The following CADPS variants were observed in gnomAD, a reference collection of about 807,000 sequenced individuals.
CADPS encodes calcium dependent secretion activator, also known as calcium-dependent secretion activator 1.
Under a neutral mutation model 167.3 loss-of-function variants are expected in CADPS, and 57 were observed. That is an observed-to-expected ratio of 0.34 (90% CI 0.28 to 0.42). The LOEUF (loss-of-function observed/expected upper bound fraction) is 0.42, where lower values mean the gene tolerates loss of function less well. Among genes scored for constraint, CADPS ranks in the 20% least tolerant of loss-of-function variants. The pLI is 1.00. For synonymous variants in CADPS, 676 were observed against 635.3 expected, an observed-to-expected ratio of 1.06 and a Z score of -0.96; for missense variants, 1,414 against 1,738.1, an observed-to-expected ratio of 0.81 and a Z score of 3.32.
At chr3:62,637,556 TG>T (rs1408295436) in intron 6 of CADPS, among the ~76,000 whole-genome samples, 1 of 152,226 alleles carries the variant, frequency 6.6e-6, no homozygotes, top group Admixed American at 6.5e-5. Flanking sequence ...TGTGCTGGTG[TG>T]TGCGCCAGCA....
At chr3:62,537,142 A>C (rs1437482503) in intron 11 of CADPS, among the ~76,000 whole-genome samples, 3 of 152,172 alleles carry the variant, frequency 2.0e-5, no homozygotes, top group South Asian at 2.1e-4. Flanking sequence ...AATAAAAAAA[A>C]CGATTTTCAT....
At chr3:62,546,438 G>GTTTGACTGTGTTGGGTTTGACTCAGTCAA (rs2076461017) in intron 11 of CADPS, among the ~76,000 whole-genome samples, 1 of 152,100 alleles carries the variant, frequency 6.6e-6, no homozygotes, top group Non-Finnish European at 1.5e-5. Context: ...AATCAACACT[G>GTTTGACTGTGTTGGGTTTGACTCAGTCAA]TGGGTTTGAC....
At chr3:62,551,561 C>T (rs1244031445) in intron 10 of CADPS, among the ~76,000 whole-genome samples, 6 of 152,318 alleles carry the variant, frequency 3.9e-5, no homozygotes, top group Middle Eastern at 3.4e-3. Context: ...CTGCTCAAAA[C>T]CTGCCAGCAG....
rs1285224230 is a variant in CADPS, at chr3:62,548,114, T to A, written c.1966+1789A>T. Reference sequence around the variant, plus strand: ...GATTATAGTTAGAATTTTTTTCTGATACAGGGGGTAACTTCTTTTCAAGAG... The same window carrying A: ...GATTATAGTTAGAATTTTTTTCTGAAACAGGGGGTAACTTCTTTTCAAGAG... On this transcript the variant is annotated intron_variant, in intron 11 of 29. Coordinates refer to ENST00000383710, the MANE Select transcript of CADPS (RefSeq NM_003716.4). Among the ~76,000 whole-genome samples, 4 of 152,262 alleles carry A rather than the reference T, an allele frequency of 2.6e-5. No homozygotes were observed. The East Asian group carries it at 7.7e-4, about 29-fold the overall frequency.
At chr3:62,865,821 C>G (rs766574781) in intron 1 of CADPS, among the ~76,000 whole-genome samples, 5 of 151,980 alleles carry the variant, frequency 3.3e-5, no homozygotes, top group South Asian at 2.1e-4. Context: ...GGACTTTAGG[C>G]AGCTTACAAT....
At chr3:62,579,853 G>A (rs2083044698) in intron 8 of CADPS, among the ~76,000 whole-genome samples, 1 of 152,148 alleles carries the variant, frequency 6.6e-6, no homozygotes, top group African/African-American at 2.4e-5. Context: ...AGGCTACTGG[G>A]AGGCAGGGGC....
chr3:62,550,365 G>A (rs2077128845), intron 10 of CADPS, among the ~76,000 whole-genome samples: 1 of 151,978 alleles, frequency 6.6e-6, no homozygotes, highest in African/African-American at 2.4e-5. Flanking sequence ...CAGGCTGCCT[G>A]CTTGGGGGAT....
At chr3:62,841,922 C>T (rs1173730287) in intron 1 of CADPS, among the ~76,000 whole-genome samples, 4 of 152,158 alleles carry the variant, frequency 2.6e-5, no homozygotes, top group Non-Finnish European at 5.9e-5. Flanking sequence ...CAAGTGAAAG[C>T]TATTGTTCAC....
chr3:62,826,286 G>T (rs990208799), intron 1 of CADPS, among the ~76,000 whole-genome samples: 1 of 152,142 alleles, frequency 6.6e-6, no homozygotes, highest in Admixed American at 6.6e-5. Context: ...TTTCAGTAGA[G>T]ATCAGGAGAT....
chr3:62,610,905 G>A (rs1041093269), intron 6 of CADPS, among the ~76,000 whole-genome samples: 1 of 151,852 alleles, frequency 6.6e-6, no homozygotes, highest in African/African-American at 2.4e-5. Flanking sequence ...GGCTGATTTT[G>A]CTCTCCAGAA....
At chr3:62,663,561 C>A (rs1263059825) in intron 3 of CADPS, among the ~76,000 whole-genome samples, 1 of 150,000 alleles carries the variant, frequency 6.7e-6, no homozygotes, top group African/African-American at 2.5e-5. Flanking sequence ...TTTTCTAAGT[C>A]CCTTTCTTCT....
At chr3:62,630,754 G>T (rs1214311797) in intron 6 of CADPS, among the ~76,000 whole-genome samples, 2 of 151,866 alleles carry the variant, frequency 1.3e-5, no homozygotes, top group Non-Finnish European at 2.9e-5. Context: ...TTGTACTTTG[G>T]GCATAAAAAA....
chr3:62,855,560 A>G (rs951709569), intron 1 of CADPS, among the ~76,000 whole-genome samples: 1 of 152,182 alleles, frequency 6.6e-6, no homozygotes, highest in Non-Finnish European at 1.5e-5. Context: ...AAGCACCAAG[A>G]GTAGCTTAAA....
intron 6 of CADPS, among the ~76,000 whole-genome samples, chr3:62,598,034 G>A (rs1051500887): frequency 3.9e-5 from 6 of 151,996 alleles, no homozygotes; most frequent in African/African-American, 1.5e-4. Context: ...GCCATTCAAG[G>A]TACTAAAATA....
At position 62,514,983 on chromosome 3, in the gene CADPS, C is replaced by A. The variant is rs2068644074; in HGVS notation, c.2581+1076G>T. 6.6e-6 allele frequency among the ~76,000 whole-genome samples: 1 copy of A among 152,108 alleles called. No individual in the cohort carries two copies. Among genetic ancestry groups the A allele is most frequent in the African/African-American group, 2.4e-5 (1 of 41,426 alleles). On this transcript the variant is annotated intron_variant, in intron 16 of 29. Transcript: ENST00000383710. This position sits in a 1 kb window ranked among gnomAD's most constrained non-coding sequence, Gnocchi z 4.2. ...ATGCATAACAGTGAATTCATTACCA[C>A]TGGTACACAATTTGCATTGTCAGAC... is the stretch of plus-strand genomic sequence containing the variant.
intron 9 of CADPS, among the ~76,000 whole-genome samples, chr3:62,567,067 C>T (rs2080355916): frequency 6.6e-6 from 1 of 152,082 alleles, no homozygotes; most frequent in Non-Finnish European, 1.5e-5. Flanking sequence ...ACCTGTGTTC[C>T]CGTTGCCTGA....
chr3:62,752,994 C>A (rs1394799460), intron 3 of CADPS, among the ~76,000 whole-genome samples: 14 of 152,152 alleles, frequency 9.2e-5, no homozygotes. Context: ...AGGTATCGGG[C>A]CTTTTGCAAG....
At chr3:62,650,637 G>T (rs1459641273) in intron 5 of CADPS, among the ~76,000 whole-genome samples, 2 of 152,166 alleles carry the variant, frequency 1.3e-5, no homozygotes, top group African/African-American at 2.4e-5. Flanking sequence ...AAATTTAGTA[G>T]GTGGTTTTCA....
intron 26 of CADPS, among the ~76,000 whole-genome samples, chr3:62,462,570 C>T (rs559169811): frequency 3.9e-5 from 6 of 152,212 alleles, no homozygotes; most frequent in African/African-American, 7.2e-5. Context: ...TCATCCTTGG[C>T]AGCTCTGCTG....
Sources: allele counts gnomAD v4.1 joint callset (sites outside exome capture counted in the v4.1 genomes callset), GRCh38; gene constraint gnomAD v4.1.1; non-coding constraint Gnocchi (gnomAD v3.1); transcripts MANE v1.5; gene names NCBI Gene and HGNC (gene_info 2026-07-23, HGNC 2026-07-21).